The following GABRA2 variants were observed in gnomAD, a reference collection of about 807,000 sequenced individuals.
GABRA2 encodes gamma-aminobutyric acid receptor subunit alpha-2.
In GABRA2, 16 loss-of-function variants were observed where a neutral mutation model predicts 48.7. The observed-to-expected ratio is 0.33, with a 90% CI of 0.22 to 0.50. GABRA2 has a LOEUF of 0.50. GABRA2 is among the 20% of genes least tolerant of loss of function. The probability of loss-of-function intolerance (pLI) is 0.98; values close to 1 mark genes in which losing one functional copy is unlikely to be tolerated. For synonymous variants in GABRA2, 185 were observed against 184.5 expected (o/e 1.00, Z -0.02); for missense variants, 275 against 535.6 (o/e 0.51, Z 4.80).
At chr4:46,310,362 A>T in intron 5 of GABRA2, 107 bp from the exon 6 acceptor site, 2 of 658,590 alleles carry the variant, frequency 3.0e-6, no homozygotes, top group Non-Finnish European at 5.4e-6. Context: ...TAATCACAGC[A>T]GTAGGCTCAT....
intron 8 of GABRA2, among the ~76,000 whole-genome samples, chr4:46,274,146 T>G (rs1720035724): frequency 6.6e-6 from 1 of 152,132 alleles, no homozygotes; most frequent in Non-Finnish European, 1.5e-5. Context: ...TGTATTAATT[T>G]GTGTAGCTCA....
At chr4:46,312,423 T>C in intron 5 of GABRA2, 73 bp downstream of exon 5, 1 of 943,600 alleles carries the variant, frequency 1.1e-6, no homozygotes, top group Non-Finnish European at 1.7e-6. Context: ...ACTTGACAGC[T>C]AGATTGGCTG....
At chr4:46,329,651 T>C (rs1391839170) in intron 4 of GABRA2, among the ~76,000 whole-genome samples, 2 of 152,148 alleles carry the variant, frequency 1.3e-5, no homozygotes, top group African/African-American at 2.4e-5. Context: ...TAATTCTCTA[T>C]CACTTGAAAT....
intron 8 of GABRA2, among the ~76,000 whole-genome samples, chr4:46,268,039 C>T (rs1718595448): frequency 6.6e-6 from 1 of 150,650 alleles, no homozygotes. Context: ...TACTACCATT[C>T]TAAAAAATGT....
chr4:46,317,750 T>C (rs1326675409), intron 4 of GABRA2, among the ~76,000 whole-genome samples: 1 of 148,796 alleles, frequency 6.7e-6, no homozygotes, highest in Non-Finnish European at 1.5e-5. Flanking sequence ...ATGAGCCAGG[T>C]AAAAAAAAAT....
At chr4:46,333,059 A>T (rs1731643226) in intron 3 of GABRA2, among the ~76,000 whole-genome samples, 1 of 152,120 alleles carries the variant, frequency 6.6e-6, no homozygotes, top group African/African-American at 2.4e-5. Context: ...CCTACATTCG[A>T]TGTTCAACTA....
chr4:46,291,768 A>AAC lies in GABRA2; in HGVS notation c.856+11690_856+11691dup, dbSNP rs1309654384. ...ATCATGTGAGTTAATACTATTAATA[A>AAC]ACACACACATATATATATATATACA... On this transcript the variant is annotated intron_variant, in intron 8 of 9. Transcript: ENST00000381620. Among the ~76,000 whole-genome samples the AAC allele has an allele frequency of 3.1e-3, 398 of 126,668 alleles. 2 individuals carry two copies. The highest frequency in any genetic ancestry group is 0.01 in the African/African-American group (370 of 35,748). The allele number at this position is 126,668 out of a possible 152,430, so 83.1% of individuals were successfully genotyped here.
chr4:46,370,582 T>C (rs1332166294), intron 3 of GABRA2, among the ~76,000 whole-genome samples: 2 of 152,142 alleles, frequency 1.3e-5, no homozygotes, highest in Non-Finnish European at 2.9e-5. Flanking sequence ...TATAATTTGA[T>C]GCATTCATTA....
At chr4:46,380,230 C>T (rs1359546711) in intron 3 of GABRA2, among the ~76,000 whole-genome samples, 2 of 152,178 alleles carry the variant, frequency 1.3e-5, no homozygotes, top group African/African-American at 4.8e-5. Flanking sequence ...TTTTATATGT[C>T]ATGACAGTAA....
intron 3 of GABRA2, among the ~76,000 whole-genome samples, chr4:46,374,080 C>T (rs1277915380): frequency 6.6e-6 from 1 of 152,084 alleles, no homozygotes; most frequent in Non-Finnish European, 1.5e-5. Flanking sequence ...ACAGTAACAA[C>T]AGTGAATTTG....
At chr4:46,272,821 A>G (rs935868920) in intron 8 of GABRA2, among the ~76,000 whole-genome samples, 2 of 152,074 alleles carry the variant, frequency 1.3e-5, no homozygotes, top group African/African-American at 4.8e-5. Context: ...AGGCCAGAAA[A>G]GGAAGCAGGA....
chr4:46,273,484 C>CATATATATATATATATATATGCAT (rs1250189953), intron 8 of GABRA2, among the ~76,000 whole-genome samples: 1 of 18,914 alleles, frequency 5.3e-5, no homozygotes, highest in African/African-American at 1.8e-4. Context: ...TATATATATG[C>CATATATATATATATATATATGCAT]ATATATATAT....
intron 8 of GABRA2, among the ~76,000 whole-genome samples, chr4:46,266,436 C>T (rs2109375527): frequency 6.7e-6 from 1 of 148,562 alleles, no homozygotes; most frequent in South Asian, 2.1e-4. Context: ...TTTTTCTTTT[C>T]AAATATCTTC....
At chr4:46,345,666 A>T (rs1324259812) in intron 3 of GABRA2, among the ~76,000 whole-genome samples, 4 of 151,826 alleles carry the variant, frequency 2.6e-5, no homozygotes, top group African/African-American at 9.7e-5. Flanking sequence ...TTCTTTCCTA[A>T]CTGGCTCACT....
intron 8 of GABRA2, among the ~76,000 whole-genome samples, chr4:46,273,538 A>ATAT (rs1560460626): frequency 3.0e-3 from 67 of 22,124 alleles, no homozygotes; most frequent in Middle Eastern, 0.026. Flanking sequence ...TATATATATG[A>ATAT]GAGAGAGAGG....
In GABRA2 at chr4:46,250,041, T is replaced by C. The variant is rs201203666; in HGVS notation, c.*267A>G. 16 of 339,592 alleles carry C rather than the reference T, an allele frequency of 4.7e-5. No homozygotes were observed. The highest frequency in any genetic ancestry group is 7.5e-5 in the Non-Finnish European group (14 of 185,798). The allele number at this position is 339,592 out of a possible 1,614,324, so 21.0% of individuals were successfully genotyped here. ...CTCATTTGGAAGAATAGGAAATTAATCAGGTCACTTGAAATTCACTTTAAA... is the reference window on the plus strand; with the variant it reads ...CTCATTTGGAAGAATAGGAAATTAACCAGGTCACTTGAAATTCACTTTAAA... On this transcript the variant is annotated 3_prime_UTR_variant, in exon 10 of 10. Coordinates refer to ENST00000381620, the MANE Select transcript of GABRA2 (RefSeq NM_000807.4).
intron 3 of GABRA2, among the ~76,000 whole-genome samples, chr4:46,384,837 C>T (rs1031349987): frequency 7.2e-5 from 11 of 151,818 alleles, no homozygotes; most frequent in Admixed American, 3.9e-4. Context: ...TATTCTTTTC[C>T]TTTTTATTTT....
intron 3 of GABRA2, among the ~76,000 whole-genome samples, chr4:46,351,096 C>T (rs1419719956): frequency 6.7e-6 from 1 of 149,310 alleles, no homozygotes; most frequent in Non-Finnish European, 1.5e-5. Context: ...CATTTTATTA[C>T]ATGGTCTCAT....
intron 8 of GABRA2, among the ~76,000 whole-genome samples, chr4:46,283,274 T>C (rs1352996907): frequency 1.3e-5 from 2 of 152,170 alleles, no homozygotes; most frequent in Admixed American, 6.5e-5. Context: ...AAGAAGTCTT[T>C]TACCCTTCCT....
Sources: gnomAD v4.1 joint callset for allele counts (sites outside exome capture counted in the v4.1 genomes callset) on GRCh38, gnomAD v4.1.1 for gene constraint, MANE v1.5 for transcripts, NCBI Gene and HGNC (gene_info 2026-07-23, HGNC 2026-07-21) for gene names.